Variants in MRPS27 observed in about 807,000 individuals in gnomAD.
MRPS27 encodes mitochondrial ribosomal protein S27.
In MRPS27, 43 loss-of-function variants were observed where a neutral mutation model predicts 48.9. That is an observed-to-expected ratio of 0.88 (90% confidence interval 0.69 to 1.13). MRPS27 has a LOEUF of 1.13. Ranked by LOEUF, MRPS27 falls within the 50% of genes most tolerant of loss-of-function variation. The pLI is 0.00. For synonymous variants in MRPS27, 188 were observed against 171.9 expected (o/e 1.09, Z -0.73); for missense variants, 467 against 476.3 (o/e 0.98, Z 0.18).
At chr5:72,265,581 A>G (rs1390253124) in intron 4 of MRPS27, among the ~76,000 whole-genome samples, 3 of 152,230 alleles carry the variant, frequency 2.0e-5, no homozygotes, top group African/African-American at 7.2e-5. Flanking sequence ...TGTGACATCA[A>G]GAACAGGACT....
At chr5:72,278,846 T>C (rs1749457336) in intron 4 of MRPS27, among the ~76,000 whole-genome samples, 1 of 152,260 alleles carries the variant, frequency 6.6e-6, no homozygotes, top group Admixed American at 6.5e-5. Flanking sequence ...CACTGTTGTA[T>C]GGTATTCCAT....
At chr5:72,246,137 G>C (rs1450578438) in intron 4 of MRPS27, among the ~76,000 whole-genome samples, 3 of 152,144 alleles carry the variant, frequency 2.0e-5, no homozygotes, top group Admixed American at 2.0e-4. Flanking sequence ...CTGATAATTT[G>C]GCAACAGTGA....
chr5:72,232,633 A>G, intron 6 of MRPS27, 75 bp from the exon 7 acceptor site: 1 of 1,048,136 alleles, frequency 9.5e-7, no homozygotes, highest in South Asian at 1.4e-5. Context: ...TTAACTATAA[A>G]CACTCTTAAA....
At chr5:72,304,581 A>T (rs1750211067) in intron 2 of MRPS27, among the ~76,000 whole-genome samples, 2 of 152,258 alleles carry the variant, frequency 1.3e-5, no homozygotes, top group Admixed American at 1.3e-4. Flanking sequence ...TATGTGGGTC[A>T]CTACATAATG....
intron 10 of MRPS27, among the ~76,000 whole-genome samples, chr5:72,223,108 T>C (rs1280734341): frequency 2.0e-5 from 3 of 152,142 alleles, no homozygotes; most frequent in African/African-American, 7.2e-5. Context: ...ACAGAGCATT[T>C]TGGGATGTAC....
chr5:72,276,779 C>T (rs1749386103), intron 4 of MRPS27, among the ~76,000 whole-genome samples: 1 of 151,784 alleles, frequency 6.6e-6, no homozygotes, highest in Admixed American at 6.5e-5. Flanking sequence ...TGCTTGTAAT[C>T]TCAACACTCT....
At position 72,234,189 on chromosome 5, in the gene MRPS27, A is replaced by T; in HGVS notation, c.405T>A (p.Tyr135Ter). Reference protein sequence around the residue: ...ALYTLVNKVQYGIFPDNFTFN... With the variant: ...ALYTLVNKVQ ...ATGTAAAGTTATCTGGAAAAATTCC[A>T]TATTGAACCTATAATGAAAATGAAC... is the stretch of plus-strand genomic sequence containing the variant. The change falls in exon 6 of 11, where the codon TAT becomes TAA. Residue 135 changes from tyrosine (Y) to a stop codon, truncating the protein, a stop_gained. Transcript: ENST00000261413. LOFTEE classifies it high-confidence loss of function. The T allele has an allele frequency of 6.7e-7, 1 of 1,502,064 alleles. No homozygotes were observed. Among genetic ancestry groups the T allele is most frequent in the Non-Finnish European group, 8.9e-7 (1 of 1,128,600 alleles). 93.0% of individuals were successfully genotyped at this position (1,502,064 alleles called of 1,614,324 possible). A position where few individuals can be genotyped will look rare whatever the true frequency, so the allele number is the denominator to read the frequency against.
At chr5:72,241,573 C>T in intron 4 of MRPS27, 2 of 1,414,246 alleles carry the variant, frequency 1.4e-6, no homozygotes, top group Admixed American at 2.0e-5. Flanking sequence ...GCAGTTCAGA[C>T]AAATAAATGT....
intron 10 of MRPS27, 107 bp downstream of exon 10, chr5:72,223,576 A>T: frequency 2.2e-6 from 3 of 1,345,496 alleles, no homozygotes; most frequent in South Asian, 1.4e-5. Context: ...GTCAGTTTTT[A>T]ATGCCTCTTT....
intron 2 of MRPS27, among the ~76,000 whole-genome samples, chr5:72,305,158 A>T (rs751686682): frequency 6.6e-6 from 1 of 152,224 alleles, no homozygotes; most frequent in Admixed American, 6.5e-5. Flanking sequence ...AATCCAATAA[A>T]GGAAAAACAT....
At chr5:72,311,852 G>A (rs1307062780) in intron 2 of MRPS27, among the ~76,000 whole-genome samples, 3 of 152,214 alleles carry the variant, frequency 2.0e-5, no homozygotes, top group Non-Finnish European at 4.4e-5. Context: ...ATTATTTCCC[G>A]CTGGGCGCGG....
intron 4 of MRPS27, chr5:72,241,567 T>C (rs1748351111): frequency 7.3e-7 from 1 of 1,369,080 alleles, no homozygotes; most frequent in Non-Finnish European, 1.0e-6. Flanking sequence ...TTTTAAGCAG[T>C]TCAGACAAAT....
At chr5:72,305,839 A>G (rs1750250051) in intron 2 of MRPS27, among the ~76,000 whole-genome samples, 1 of 152,218 alleles carries the variant, frequency 6.6e-6, no homozygotes, top group Non-Finnish European at 1.5e-5. Context: ...TCTGTTAACT[A>G]GTAAATGTTG....
intron 4 of MRPS27, 175 bp downstream of exon 4, chr5:72,295,356 G>T: frequency 1.8e-6 from 1 of 542,176 alleles, no homozygotes. Flanking sequence ...TAAACTCACA[G>T]TATGGAATAA....
At chr5:72,315,664 A>C (rs578127170) in intron 1 of MRPS27, among the ~76,000 whole-genome samples, 1 of 152,196 alleles carries the variant, frequency 6.6e-6, no homozygotes, top group Non-Finnish European at 1.5e-5. Flanking sequence ...GAAATGCAAA[A>C]CAAAATCACC....
chr5:72,319,777 C>T (rs1386604183), intron 1 of MRPS27, among the ~76,000 whole-genome samples: 1 of 152,086 alleles, frequency 6.6e-6, no homozygotes, highest in Non-Finnish European at 1.5e-5. Context: ...GAACTCCTGG[C>T]GATCCGCCCG....
intron 4 of MRPS27, among the ~76,000 whole-genome samples, chr5:72,283,092 A>G (rs150733337): frequency 6.6e-6 from 1 of 152,290 alleles, no homozygotes; most frequent in East Asian, 1.9e-4. Context: ...CTTGGGAGGC[A>G]TCCAAGATGA....
chr5:72,287,484 C>T (rs117383850), intron 4 of MRPS27, among the ~76,000 whole-genome samples: 1 of 151,990 alleles, frequency 6.6e-6, no homozygotes, highest in African/African-American at 2.4e-5. Context: ...TACAAAAACA[C>T]AAAAATTAGC....
At chr5:72,269,966 G>A (rs1749193810) in intron 4 of MRPS27, among the ~76,000 whole-genome samples, 1 of 152,096 alleles carries the variant, frequency 6.6e-6, no homozygotes. Context: ...GCTGAGGTGG[G>A]CAGATCACCT....
Sources: gnomAD v4.1 joint callset for allele counts (sites outside exome capture counted in the v4.1 genomes callset) on GRCh38, gnomAD v4.1.1 for gene constraint, MANE v1.5 for transcripts, NCBI Gene and HGNC (gene_info 2026-07-23, HGNC 2026-07-21) for gene names.